WDR11: variants seen among roughly 807,000 people sequenced by gnomAD.
The protein encoded by WDR11 is WD repeat-containing protein 11.
In WDR11, 83 loss-of-function variants were observed where a neutral mutation model predicts 151.2. The observed-to-expected ratio is 0.55, with a 90% CI of 0.46 to 0.66. The LOEUF (loss-of-function observed/expected upper bound fraction) is 0.66, where lower values mean the gene tolerates loss of function less well. Among genes scored for constraint, WDR11 ranks in the 30% least tolerant of loss-of-function variants. The pLI is 0.00. For missense variants in WDR11, 1,301 were observed against 1,480.9 expected (o/e 0.88, Z 1.99); for synonymous variants, 484 against 533.1 (o/e 0.91, Z 1.27).
Position 120,858,737 on chromosome 10 carries a change from G to A in WDR11, c.293G>A (p.Trp98Ter). The change falls in exon 3 of 29, where the codon TGG (tryptophan) becomes TAG (stop). Residue 98 changes from tryptophan (W) to a stop codon, truncating the protein, a stop_gained. Transcript: ENST00000263461. LOFTEE classifies it high-confidence loss of function. Reference sequence around the variant, plus strand: ...GATGTCAATGGGAAGATCATCGTCTGGGATGTAGCAGCAGGAGTAGCTCAG... The same window carrying A: ...GATGTCAATGGGAAGATCATCGTCTAGGATGTAGCAGCAGGAGTAGCTCAG... ...SADVNGKIIV[W>*]DVAAGVAQCE... is the part of the protein sequence containing the mutation. The A allele has an allele frequency of 6.2e-7, 1 of 1,614,192 alleles. No homozygotes were observed. The highest frequency in any genetic ancestry group is 1.1e-5 in the South Asian group (1 of 91,086).
At chr10:120,896,920 C>T (rs1198863709) in intron 19 of WDR11, among the ~76,000 whole-genome samples, 2 of 152,130 alleles carry the variant, frequency 1.3e-5, no homozygotes, top group African/African-American at 4.8e-5. Flanking sequence ...ACATAGCACC[C>T]AGATTTTACT....
intron 28 of WDR11, chr10:120,908,218 C>T: frequency 3.1e-6 from 1 of 326,198 alleles, no homozygotes; most frequent in African/African-American, 2.1e-5. Flanking sequence ...TGAGGATATG[C>T]AGGTTAAGTT....
At position 120,865,719 on chromosome 10, in the gene WDR11, T is replaced by C; in HGVS notation, c.969T>C (p.Ile323=). Residue 323 remains isoleucine, a synonymous_variant, in exon 7 of 29, where the codon ATT becomes ATC. Transcript: ENST00000263461. ...TLRVRRSYNN[I]FTTSNEEPDP... is the part of the protein sequence containing the mutation. ...GTGTTCGAAGATCTTATAATAACAT[T>C]TTTACCACTTCAAATGAGGAACCAG... 6.2e-7 allele frequency: 1 copy of C among 1,607,626 alleles called. No homozygotes were observed. Among genetic ancestry groups the C allele is most frequent in the East Asian group, 2.2e-5 (1 of 44,700 alleles).
chr10:120,868,124 T>G (rs997757158), intron 9 of WDR11, among the ~76,000 whole-genome samples: 7 of 152,312 alleles, frequency 4.6e-5, no homozygotes, highest in East Asian at 1.9e-4. Context: ...GGAGGGTTTT[T>G]TTGTTGTTGT....
At chr10:120,877,623 CACAAAACAAA>C (rs370551914) in intron 11 of WDR11, among the ~76,000 whole-genome samples, 18 of 151,902 alleles carry the variant, frequency 1.2e-4, no homozygotes, top group African/African-American at 3.6e-4. Context: ...TCTCAAAAAA[CACAAAACAAA>C]ACAAAACAAA....
At chr10:120,901,142 A>G (rs776514596) in intron 21 of WDR11, 44 bp downstream of exon 21, 4 of 1,478,418 alleles carry the variant, frequency 2.7e-6, no homozygotes, top group South Asian at 1.2e-5. Context: ...TATGAGAAAG[A>G]AAAATGCAAT....
chr10:120,879,182 G>A (rs960752390), intron 12 of WDR11: 1 of 152,218 alleles, frequency 6.6e-6, no homozygotes, highest in Non-Finnish European at 1.5e-5. Flanking sequence ...GTGTATGTAT[G>A]TGTAAAATGA....
chr10:120,893,758 A>G (rs1388584688), intron 19 of WDR11, among the ~76,000 whole-genome samples: 1 of 151,994 alleles, frequency 6.6e-6, no homozygotes, highest in Admixed American at 6.6e-5. Context: ...CATTTCTCTG[A>G]TGGCCAGTGA....
chr10:120,896,009 C>T (rs1356888287), intron 19 of WDR11, among the ~76,000 whole-genome samples: 2 of 152,148 alleles, frequency 1.3e-5, no homozygotes, highest in Non-Finnish European at 2.9e-5. Flanking sequence ...GACCAAAATG[C>T]ACACAAAGTT....
rs1845774746 is a variant in WDR11 at position 120,851,588 on chromosome 10, C to G, written c.86+82C>G. 6.5e-6 allele frequency: 10 copies of G among 1,534,112 alleles called. No individual in the cohort carries two copies. In the East Asian group the frequency reaches 2.1e-4, roughly 33 times the overall value. ...GGGGGAAGGACAAGAGGTTTCACCC[C>G]CTGGTTAGTTTGGCCTCGCTAAGGC... On this transcript the variant is annotated intron_variant, in intron 1 of 28. Transcript: ENST00000263461.
chr10:120,861,676 A>C (rs530639210), intron 4 of WDR11, among the ~76,000 whole-genome samples: 1 of 152,200 alleles, frequency 6.6e-6, no homozygotes, highest in South Asian at 2.1e-4. Flanking sequence ...GGTTGTCATA[A>C]CTCTTGAATG....
intron 8 of WDR11, 99 bp downstream of exon 8, chr10:120,866,863 A>G (rs1412576570): frequency 5.8e-6 from 8 of 1,370,602 alleles, no homozygotes; most frequent in Non-Finnish European, 8.1e-6. Context: ...GGTTTTCTAT[A>G]AAAATATTTT....
At chr10:120,902,181 G>A in intron 21 of WDR11, 76 bp from the exon 22 acceptor site, 2 of 1,171,576 alleles carry the variant, frequency 1.7e-6, no homozygotes, top group Non-Finnish European at 2.6e-6. Context: ...CATTTCAAGA[G>A]TATATTGATC....
intron 2 of WDR11, among the ~76,000 whole-genome samples, chr10:120,857,027 C>T (rs1845971057): frequency 6.6e-6 from 1 of 152,036 alleles, no homozygotes; most frequent in African/African-American, 2.4e-5. Flanking sequence ...GTCAGTTGAT[C>T]TATTAACATT....
chr10:120,883,683 C>A, intron 13 of WDR11, 97 bp from the exon 14 acceptor site: 1 of 957,946 alleles, frequency 1.0e-6, no homozygotes, highest in Non-Finnish European at 1.7e-6. Context: ...TAGAATGCGT[C>A]AGCTGAGTTT....
At chr10:120,887,389 T>A (rs1030253515) in intron 16 of WDR11, among the ~76,000 whole-genome samples, 4 of 152,240 alleles carry the variant, frequency 2.6e-5, no homozygotes, top group African/African-American at 9.6e-5. Context: ...TCATAGATAG[T>A]TTTTAATAGA....
chr10:120,887,215 A>G (rs1188020727), intron 16 of WDR11, among the ~76,000 whole-genome samples: 1 of 152,054 alleles, frequency 6.6e-6, no homozygotes, highest in Non-Finnish European at 1.5e-5. Context: ...TTCAGGCATT[A>G]CCCTGAAGGA....
chr10:120,894,959 A>G (rs1847554166), intron 19 of WDR11, among the ~76,000 whole-genome samples: 1 of 152,172 alleles, frequency 6.6e-6, no homozygotes, highest in African/African-American at 2.4e-5. Flanking sequence ...CAGTTTGTTC[A>G]TGCTCATTGG....
chr10:120,875,978 C>CTTTTTTTT lies in WDR11; in HGVS notation c.1556+2065_1556+2072dup, dbSNP rs67775105. Among the ~76,000 whole-genome samples, 820 of 122,746 alleles carry CTTTTTTTT rather than the reference C, an allele frequency of 6.7e-3. 17 individuals carry two copies. Among genetic ancestry groups the CTTTTTTTT allele is most frequent in the African/African-American group, 0.024 (763 of 32,120 alleles). 80.5% of individuals were successfully genotyped at this position (122,746 alleles called of 152,430 possible). ...ATGGAGAAGGGTTAACCTTTTTTTT[C>CTTTTTTTT]TTTTTTTTTTTTTTTTTGAGTTGGA... On this transcript the variant is annotated intron_variant, in intron 11 of 28. Coordinates refer to ENST00000263461, the MANE Select transcript of WDR11 (RefSeq NM_018117.12).
Sources: gnomAD v4.1 joint callset for allele counts (sites outside exome capture counted in the v4.1 genomes callset) on GRCh38, gnomAD v4.1.1 for gene constraint, MANE v1.5 for transcripts, NCBI Gene and HGNC (gene_info 2026-07-23, HGNC 2026-07-21) for gene names.